ADSS2: variants seen among roughly 807,000 people sequenced by gnomAD.
The protein encoded by ADSS2 is adenylosuccinate synthase 2.
A neutral mutation model predicts 60.0 loss-of-function variants in ADSS2; 30 were observed. The observed-to-expected ratio is 0.50, with a 90% CI of 0.37 to 0.68. The LOEUF is 0.68. ADSS2 is among the 30% of genes least tolerant of loss of function. The pLI is 0.00. For missense variants in ADSS2, 373 were observed against 554.8 expected (o/e 0.67, Z 3.29); for synonymous variants, 187 against 193.1 (o/e 0.97, Z 0.26).
At chr1:244,436,706 T>G (rs1295635656) in intron 3 of ADSS2, 119 bp downstream of exon 3, 2 of 718,008 alleles carry the variant, frequency 2.8e-6, no homozygotes, top group Admixed American at 2.9e-5. Flanking sequence ...CATTAAAAAT[T>G]CGTCTATAAT....
At position 244,437,736 on chromosome 1, in the gene ADSS2, C is replaced by CACA; in HGVS notation, c.213_215dup (p.Val72dup). On this transcript the variant is annotated inframe_insertion, in exon 2 of 13. Coordinates refer to ENST00000366535, the MANE Select transcript of ADSS2 (RefSeq NM_001126.5). The stretch of plus-strand genomic sequence containing the variant: ...GATGAAAATCATATTCCACAGAATC[C>CACA]ACAACAACTGTATGGCCAGCATTAT... 6.2e-7 allele frequency: 1 copy of CACA among 1,608,318 alleles called. No individual in the cohort carries two copies. Among genetic ancestry groups the CACA allele is most frequent in the Non-Finnish European group, 8.5e-7 (1 of 1,175,000 alleles).
intron 9 of ADSS2, 67 bp from the exon 10 acceptor site, chr1:244,417,819 T>A: frequency 6.8e-7 from 1 of 1,469,930 alleles, no homozygotes; most frequent in Non-Finnish European, 9.3e-7. Flanking sequence ...GAATAATATA[T>A]GCTAGAGATC....
At chr1:244,410,573 G>A (rs1288009701) in intron 12 of ADSS2, among the ~76,000 whole-genome samples, 2 of 151,988 alleles carry the variant, frequency 1.3e-5, no homozygotes, top group Admixed American at 6.5e-5. Context: ...GTATATTCAG[G>A]AAACTCCAAA....
At chr1:244,427,953 T>C (rs1225807263) in intron 4 of ADSS2, among the ~76,000 whole-genome samples, 2 of 152,144 alleles carry the variant, frequency 1.3e-5, no homozygotes, top group African/African-American at 4.8e-5. Context: ...TACATGTACC[T>C]AACAGAGCTT....
chr1:244,436,916 C>T, intron 2 of ADSS2, 23 bp from the exon 3 acceptor site: 1 of 1,587,452 alleles, frequency 6.3e-7, no homozygotes, highest in Non-Finnish European at 8.6e-7. Context: ...CAACAAATCC[C>T]AACGGTAAAC....
intron 12 of ADSS2, 114 bp from the exon 13 acceptor site, chr1:244,409,752 T>C (rs564564227): frequency 6.5e-6 from 5 of 773,658 alleles, no homozygotes; most frequent in African/African-American, 1.7e-5. Flanking sequence ...CTTTTCCCTA[T>C]GTGCCTTTTT....
chr1:244,432,614 T>A lies in ADSS2; in HGVS notation c.356-19A>T. 6.8e-7 allele frequency: 1 copy of A among 1,476,000 alleles called. No individual in the cohort carries two copies. The highest frequency in any genetic ancestry group is 9.3e-7 in the Non-Finnish European group (1 of 1,078,142). The allele number at this position is 1,476,000 out of a possible 1,614,324, so 91.4% of individuals were successfully genotyped here. A position where few individuals can be genotyped will look rare whatever the true frequency, so the allele number is the denominator to read the frequency against. Reference sequence around the variant, plus strand: ...TCTAGTCCTAGAAAGGGGAAAAAGATATATTTAATTGAATATTTTGTATAG... The same window carrying A: ...TCTAGTCCTAGAAAGGGGAAAAAGAAATATTTAATTGAATATTTTGTATAG... On this transcript the variant is annotated intron_variant, in intron 3 of 12. Coordinates refer to ENST00000366535, the MANE Select transcript of ADSS2 (RefSeq NM_001126.5).
chr1:244,429,859 G>GT (rs2148002126), intron 4 of ADSS2, among the ~76,000 whole-genome samples: 1 of 152,172 alleles, frequency 6.6e-6, no homozygotes, highest in South Asian at 2.1e-4. Flanking sequence ...TCCCGCCTGG[G>GT]TGACAGAATG....
chr1:244,432,660 C>CCTT, intron 3 of ADSS2, 65 bp from the exon 4 acceptor site: 2 of 387,306 alleles, frequency 5.2e-6, no homozygotes, highest in African/African-American at 3.5e-5. Flanking sequence ...ATCTTAATTT[C>CCTT]TTTTTTTTTT....
chr1:244,418,689 A>G, intron 9 of ADSS2, 71 bp downstream of exon 9: 1 of 1,426,748 alleles, frequency 7.0e-7, no homozygotes, highest in Non-Finnish European at 9.4e-7. Flanking sequence ...ACAGGAGACA[A>G]TAATTCATTA....
intron 1 of ADSS2, among the ~76,000 whole-genome samples, chr1:244,442,480 T>C (rs1161563218): frequency 6.6e-6 from 1 of 152,216 alleles, no homozygotes; most frequent in African/African-American, 2.4e-5. Context: ...GATTATTATA[T>C]GGTTTAAATA....
intron 1 of ADSS2, among the ~76,000 whole-genome samples, chr1:244,441,516 G>A (rs1028076284): frequency 7.2e-5 from 11 of 152,050 alleles, no homozygotes; most frequent in Non-Finnish European, 1.6e-4. Context: ...AGTCAAACCA[G>A]GTTTTTTTTT....
intron 1 of ADSS2, among the ~76,000 whole-genome samples, chr1:244,441,056 T>C (rs1175147656): frequency 2.6e-5 from 4 of 151,062 alleles, no homozygotes; most frequent in African/African-American, 9.8e-5. Context: ...TATCTTAACT[T>C]AGTCTTTTTT....
intron 1 of ADSS2, among the ~76,000 whole-genome samples, chr1:244,443,313 A>G (rs1175897003): frequency 6.6e-6 from 1 of 152,248 alleles, no homozygotes; most frequent in African/African-American, 2.4e-5. Context: ...CTTCTTTGCC[A>G]AACTCCCGTA....
intron 2 of ADSS2, among the ~76,000 whole-genome samples, chr1:244,437,134 G>A (rs910398276): frequency 6.6e-6 from 1 of 152,144 alleles, no homozygotes; most frequent in Non-Finnish European, 1.5e-5. Flanking sequence ...AACTAATTAT[G>A]TAATTTTAAG....
chr1:244,430,306 A>T (rs1465645777), intron 4 of ADSS2, among the ~76,000 whole-genome samples: 1 of 152,230 alleles, frequency 6.6e-6, no homozygotes, highest in Non-Finnish European at 1.5e-5. Context: ...GGAACTGTTA[A>T]GTGACAGACC....
At chr1:244,443,781 C>T (rs1044713409) in intron 1 of ADSS2, among the ~76,000 whole-genome samples, 1 of 152,126 alleles carries the variant, frequency 6.6e-6, no homozygotes, top group Non-Finnish European at 1.5e-5. Flanking sequence ...GGCCTAGGCA[C>T]GGAAAGGTTT....
At position 244,420,232 on chromosome 1, in the gene ADSS2, T is replaced by C. The variant is rs778380869; in HGVS notation, c.728A>G (p.His243Arg). 4.3e-6 allele frequency: 7 copies of C among 1,613,704 alleles called. No individual in the cohort carries two copies. The highest frequency in any genetic ancestry group is 4.0e-5 in the African/African-American group (3 of 74,924). Residue 243 changes from histidine to arginine, a missense_variant, in exon 8 of 13, where the codon CAT (histidine) becomes CGT (arginine). His to Arg is a conservative substitution (Grantham distance 29). Around this residue, in one of 5 missense-constraint regions of ADSS2, gnomAD observed 139 missense variants for 189.4 expected, o/e 0.73. Coordinates refer to ENST00000366535, the MANE Select transcript of ADSS2 (RefSeq NM_001126.5). ...TACCAAGATTTTCTTTGGTGGTCCA[T>C]GTAGGGCCTCATATAGAAAATAAAC... The part of the protein sequence containing the change: ...DGVYFLYEAL[H>R]GPPKKILVEG...
chr1:244,423,809 A>T, intron 6 of ADSS2, 144 bp downstream of exon 6: 1 of 563,446 alleles, frequency 1.8e-6, no homozygotes, highest in East Asian at 3.0e-5. Flanking sequence ...AGAATGTAAT[A>T]AAAATAACTT....
Sources: allele counts gnomAD v4.1 joint callset (sites outside exome capture counted in the v4.1 genomes callset), GRCh38; gene constraint gnomAD v4.1.1; regional missense constraint gnomAD v4.1.1; transcripts MANE v1.5; gene names NCBI Gene and HGNC (gene_info 2026-07-23, HGNC 2026-07-21).